The following RIMS1 variants were observed in gnomAD, a reference collection of about 807,000 sequenced individuals.
The protein encoded by RIMS1 is regulating synaptic membrane exocytosis 1, also known as regulating synaptic membrane exocytosis protein 1.
Under a neutral mutation model 214.1 loss-of-function variants are expected in RIMS1, and 83 were observed. That is an observed-to-expected ratio of 0.39 (90% confidence interval 0.32 to 0.47). The LOEUF is 0.47. Among genes scored for constraint, RIMS1 ranks in the 20% least tolerant of loss-of-function variants. The pLI is 0.99. For missense variants in RIMS1, 2,050 were observed against 2,161.8 expected (o/e 0.95, Z 1.03); for synonymous variants, 793 against 786.8 (o/e 1.01, Z -0.13).
intron 4 of RIMS1, among the ~76,000 whole-genome samples, chr6:72,100,617 C>A (rs1239893255): frequency 1.6e-5 from 1 of 63,752 alleles, no homozygotes; most frequent in Non-Finnish European, 4.5e-5. Context: ...GTCAGCCTTT[C>A]CTTTGTATAA....
chr6:71,936,204 G>A (rs1476496426), intron 1 of RIMS1, among the ~76,000 whole-genome samples: 3 of 151,454 alleles, frequency 2.0e-5, no homozygotes, highest in African/African-American at 4.9e-5. Context: ...GCGGGCGCCT[G>A]TAGTCCCAGC....
intron 4 of RIMS1, among the ~76,000 whole-genome samples, chr6:72,123,904 G>A (rs1316653758): frequency 1.3e-5 from 2 of 151,848 alleles, no homozygotes; most frequent in African/African-American, 2.4e-5. Context: ...ACAGCACACT[G>A]ATGGGTCTTG....
intron 29 of RIMS1, among the ~76,000 whole-genome samples, chr6:72,367,264 T>C (rs900057690): frequency 1.3e-5 from 2 of 152,206 alleles, no homozygotes; most frequent in African/African-American, 2.4e-5. Flanking sequence ...AAAACAACTT[T>C]ATTCTTATTT....
At chr6:72,362,889 C>T (rs1357369701) in intron 29 of RIMS1, among the ~76,000 whole-genome samples, 2 of 152,098 alleles carry the variant, frequency 1.3e-5, no homozygotes, top group Non-Finnish European at 2.9e-5. Flanking sequence ...TTTGTTCATT[C>T]AAAATATATT....
intron 4 of RIMS1, among the ~76,000 whole-genome samples, chr6:72,125,013 G>A (rs921160789): frequency 6.6e-6 from 1 of 152,126 alleles, no homozygotes; most frequent in African/African-American, 2.4e-5. Context: ...GTCCAGCTTT[G>A]TTCCATTGCT....
intron 11 of RIMS1, among the ~76,000 whole-genome samples, chr6:72,246,952 A>T (rs2070175700): frequency 6.6e-6 from 1 of 152,192 alleles, no homozygotes; most frequent in Non-Finnish European, 1.5e-5. Flanking sequence ...CGGAGGGCAC[A>T]AAAGGATGAC....
intron 6 of RIMS1, among the ~76,000 whole-genome samples, chr6:72,219,356 T>C (rs1373637744): frequency 6.6e-6 from 1 of 152,158 alleles, no homozygotes; most frequent in Non-Finnish European, 1.5e-5. Context: ...CTGCTTCACG[T>C]AGGCCAATCT....
chr6:72,262,140 G>A lies in RIMS1; in HGVS notation c.3116+1373G>A, dbSNP rs930488806. ...GCACTCAGTGTGTGAATATTTCTAG[G>A]ATACTCACACCAGTGGTCTAAATAT... On this transcript the variant is annotated intron_variant, in intron 19 of 33. Coordinates refer to ENST00000521978, the MANE Select transcript of RIMS1 (RefSeq NM_014989.7). 1.6e-5 allele frequency: 16 copies of A among 982,326 alleles called. No homozygotes were observed. The African/African-American group carries it at 2.8e-4, about 17-fold the overall frequency. 60.9% of individuals were successfully genotyped at this position (982,326 alleles called of 1,614,324 possible).
intron 2 of RIMS1, among the ~76,000 whole-genome samples, chr6:72,071,299 G>A (rs1424481512): frequency 6.6e-6 from 1 of 152,096 alleles, no homozygotes; most frequent in Non-Finnish European, 1.5e-5. Context: ...TGCTTGGGAG[G>A]CTGAGGTGGG....
At chr6:72,291,125 A>T (rs1461855355) in intron 25 of RIMS1, among the ~76,000 whole-genome samples, 1 of 152,168 alleles carries the variant, frequency 6.6e-6, no homozygotes, top group Non-Finnish European at 1.5e-5. Context: ...TTTGTGGCAT[A>T]TTCATATATA....
intron 2 of RIMS1, among the ~76,000 whole-genome samples, chr6:72,030,959 G>C (rs1562157309): frequency 6.6e-6 from 1 of 152,030 alleles, no homozygotes; most frequent in Admixed American, 6.6e-5. Flanking sequence ...TTTAACTTTG[G>C]TTCTATTATT....
chr6:72,046,194 T>C (rs1822978779), intron 2 of RIMS1, among the ~76,000 whole-genome samples: 2 of 152,132 alleles, frequency 1.3e-5, no homozygotes, highest in East Asian at 1.9e-4. Context: ...TATGATGATA[T>C]TAACCTTAGT....
At chr6:72,044,901 G>A (rs138802511) in intron 2 of RIMS1, among the ~76,000 whole-genome samples, 21 of 151,958 alleles carry the variant, frequency 1.4e-4, no homozygotes, top group Non-Finnish European at 1.5e-5. Flanking sequence ...AGATATATAT[G>A]CCAATGTTCA....
intron 26 of RIMS1, among the ~76,000 whole-genome samples, chr6:72,292,886 A>G (rs181066016): frequency 3.1e-4 from 47 of 152,214 alleles, no homozygotes; most frequent in Non-Finnish European, 4.4e-5. Flanking sequence ...CTTTATCCCT[A>G]TGAAACAACT....
At chr6:72,250,711 AG>A (rs1178902112) in intron 13 of RIMS1, among the ~76,000 whole-genome samples, 1 of 152,184 alleles carries the variant, frequency 6.6e-6, no homozygotes, top group African/African-American at 2.4e-5. Context: ...CACATCATTT[AG>A]AATGTACCTT....
chr6:72,058,748 C>T (rs1827048365), intron 2 of RIMS1, among the ~76,000 whole-genome samples: 1 of 152,176 alleles, frequency 6.6e-6, no homozygotes, highest in South Asian at 2.1e-4. Context: ...ATCCCAAATT[C>T]TATGAGCACA....
At chr6:71,912,458 G>T (rs1200983408) in intron 1 of RIMS1, among the ~76,000 whole-genome samples, 1 of 152,026 alleles carries the variant, frequency 6.6e-6, no homozygotes, top group South Asian at 2.1e-4. Flanking sequence ...CCTTGTTATT[G>T]CTGTTATTAT....
At chr6:72,166,715 T>TAA (rs35329248) in intron 4 of RIMS1, among the ~76,000 whole-genome samples, 81,829 of 149,376 alleles carry the variant, frequency 0.55, 23,432 homozygotes, top group East Asian at 0.82. Flanking sequence ...GTCTCTATTT[T>TAA]AAAAAAAAAA....
intron 4 of RIMS1, among the ~76,000 whole-genome samples, chr6:72,109,253 C>T (rs1305194992): frequency 3.9e-5 from 6 of 152,034 alleles, no homozygotes; most frequent in African/African-American, 1.5e-4. Context: ...ATTTCTAGTT[C>T]TAGATCCCTG....
Sources: allele counts gnomAD v4.1 joint callset (sites outside exome capture counted in the v4.1 genomes callset), GRCh38; gene constraint gnomAD v4.1.1; transcripts MANE v1.5; gene names NCBI Gene and HGNC (gene_info 2026-07-23, HGNC 2026-07-21).